The following SPMIP7 variants were observed in gnomAD, a reference collection of about 807,000 sequenced individuals.
The protein encoded by SPMIP7 is sperm microtubule inner protein 7, also known as protein SPMIP7.
the SPMIP7 span, among the ~76,000 whole-genome samples, chr7:50,154,774 A>G: frequency 6.6e-6 from 1 of 152,160 alleles, no homozygotes; most frequent in African/African-American, 2.4e-5. Context: ...TTTCTTTAGG[A>G]AACTCCATAC....
the SPMIP7 span, among the ~76,000 whole-genome samples, chr7:50,109,255 G>A: frequency 3.3e-5 from 5 of 152,202 alleles, no homozygotes; most frequent in East Asian, 1.9e-4. Flanking sequence ...TTTTAGAAAA[G>A]GAGATAAACA....
At chr7:50,096,488 G>A in the SPMIP7 span, 1 of 1,551,690 alleles carries the variant, frequency 6.4e-7, no homozygotes, top group Non-Finnish European at 8.7e-7. Flanking sequence ...GGATTTTAGT[G>A]ATGTGAAACC....
chr7:50,117,912 C>A, the SPMIP7 span, among the ~76,000 whole-genome samples: 18 of 152,200 alleles, frequency 1.2e-4, no homozygotes, highest in African/African-American at 4.3e-4. Flanking sequence ...AAAACAGTCT[C>A]CAAGCAAATG....
chr7:50,145,493 G>T, the SPMIP7 span, among the ~76,000 whole-genome samples: 1 of 147,502 alleles, frequency 6.8e-6, no homozygotes, highest in Non-Finnish European at 1.5e-5. Context: ...CCTTTCCCAA[G>T]GATATGGAAA....
At chr7:50,102,144 T>A in the SPMIP7 span, among the ~76,000 whole-genome samples, 1 of 152,124 alleles carries the variant, frequency 6.6e-6, no homozygotes, top group African/African-American at 2.4e-5. Context: ...GCCAACATGG[T>A]GAAACCCCGT....
chr7:50,117,452 A>T, the SPMIP7 span: 1 of 248,452 alleles, frequency 4.0e-6, no homozygotes, highest in South Asian at 4.5e-5. Flanking sequence ...TTCCAGACAA[A>T]CTCTGTATTT....
the SPMIP7 span, among the ~76,000 whole-genome samples, chr7:50,131,597 A>C: frequency 3.3e-5 from 5 of 152,194 alleles, no homozygotes; most frequent in Non-Finnish European, 5.9e-5. Flanking sequence ...TCGTTAAAAA[A>C]GAGAAAAAAA....
At chr7:50,104,664 C>T in the SPMIP7 span, among the ~76,000 whole-genome samples, 2 of 152,102 alleles carry the variant, frequency 1.3e-5, no homozygotes. Context: ...TGGTGCCCAT[C>T]ACAGACTTCC....
At chr7:50,126,183 T>C in the SPMIP7 span, among the ~76,000 whole-genome samples, 1 of 151,838 alleles carries the variant, frequency 6.6e-6, no homozygotes, top group East Asian at 1.9e-4. Context: ...AGACCTATTG[T>C]TAGACTGATC....
the SPMIP7 span, among the ~76,000 whole-genome samples, chr7:50,130,901 G>T: frequency 4.6e-5 from 7 of 152,098 alleles, no homozygotes; most frequent in African/African-American, 1.7e-4. Context: ...GTAACAGTAG[G>T]GTAAGAGGAG....
the SPMIP7 span, among the ~76,000 whole-genome samples, chr7:50,119,792 T>C: frequency 1.3e-5 from 2 of 152,230 alleles, no homozygotes; most frequent in Admixed American, 6.5e-5. Context: ...TACTCAAGAT[T>C]TGGGGATCAC....
chr7:50,104,343 T>G, the SPMIP7 span: 1 of 1,541,826 alleles, frequency 6.5e-7, no homozygotes, highest in South Asian at 1.2e-5. Context: ...AGTTACTCCC[T>G]TACAACCTCA....
the SPMIP7 span, among the ~76,000 whole-genome samples, chr7:50,126,102 T>C: frequency 6.6e-6 from 1 of 152,226 alleles, no homozygotes; most frequent in African/African-American, 2.4e-5. Context: ...CTTGAATATA[T>C]ACATTTCTTT....
the SPMIP7 span, among the ~76,000 whole-genome samples, chr7:50,131,173 G>C: frequency 2.6e-5 from 4 of 152,160 alleles, no homozygotes; most frequent in Non-Finnish European, 5.9e-5. Context: ...GCTTGGGGGA[G>C]AGTGCTGGCA....
chr7:50,135,333 G>A, the SPMIP7 span, among the ~76,000 whole-genome samples: 7 of 152,092 alleles, frequency 4.6e-5, no homozygotes, highest in African/African-American at 7.2e-5. Context: ...TGAAGTTTTT[G>A]AGTACACAAA....
At chr7:50,113,270 C>T in the SPMIP7 span, among the ~76,000 whole-genome samples, 2 of 152,112 alleles carry the variant, frequency 1.3e-5, no homozygotes, top group African/African-American at 4.8e-5. Flanking sequence ...CAACCAACAA[C>T]TTAAAGTCCA....
At chr7:50,141,187 A>C in the SPMIP7 span, 1 of 801,284 alleles carries the variant, frequency 1.2e-6, no homozygotes, top group Non-Finnish European at 2.0e-6. Flanking sequence ...ACTTTGGCAA[A>C]TAAATTTCCT....
At chr7:50,101,143 T>C in the SPMIP7 span, among the ~76,000 whole-genome samples, 1 of 152,246 alleles carries the variant, frequency 6.6e-6, no homozygotes, top group Non-Finnish European at 1.5e-5. Flanking sequence ...CTCTGTTTAC[T>C]TCCCATGTTG....
chr7:50,155,729 GCCAGACTTTCACAT>G, the SPMIP7 span, among the ~76,000 whole-genome samples: 3 of 150,604 alleles, frequency 2.0e-5, no homozygotes, highest in African/African-American at 7.3e-5. Context: ...GTATCTTTCA[GCCAGACTTTCACAT>G]CCAGATTCAG....
Sources: gnomAD v4.1 joint callset for allele counts (sites outside exome capture counted in the v4.1 genomes callset) on GRCh38, gnomAD v4.1.1 for gene constraint, MANE v1.5 for transcripts, NCBI Gene and HGNC (gene_info 2026-07-23, HGNC 2026-07-21) for gene names.